The following STXBP5L variants were observed in gnomAD, a reference collection of about 807,000 sequenced individuals.
STXBP5L encodes syntaxin-binding protein 5-like.
A neutral mutation model predicts 144.5 loss-of-function variants in STXBP5L; 65 were observed. That is an observed-to-expected ratio of 0.45 (90% CI 0.37 to 0.55). The LOEUF is 0.55. STXBP5L is among the 20% of genes least tolerant of loss of function. STXBP5L has a pLI of 0.00. For missense variants in STXBP5L, 1,298 were observed against 1,405.5 expected (o/e 0.92, Z 1.22); for synonymous variants, 505 against 469.6 (o/e 1.08, Z -0.97).
chr3:121,098,874 T>A (rs2043271259), intron 5 of STXBP5L, among the ~76,000 whole-genome samples: 1 of 152,172 alleles, frequency 6.6e-6, no homozygotes, highest in African/African-American at 2.4e-5. Context: ...ATTGTGAATT[T>A]TTTTTTCCAG....
At chr3:121,015,522 G>A (rs888530445) in intron 3 of STXBP5L, among the ~76,000 whole-genome samples, 1 of 152,036 alleles carries the variant, frequency 6.6e-6, no homozygotes, top group Admixed American at 6.6e-5. Context: ...TTTCAAATTG[G>A]TGGGTGCTGA....
chr3:121,282,378 A>G (rs758361345), intron 19 of STXBP5L: 3 of 1,576,932 alleles, frequency 1.9e-6, no homozygotes, highest in Non-Finnish European at 2.6e-6. Flanking sequence ...TTTTTAAGAC[A>G]TAATGCTTGA....
At chr3:120,979,983 C>G (rs1162352187) in intron 3 of STXBP5L, among the ~76,000 whole-genome samples, 2 of 152,140 alleles carry the variant, frequency 1.3e-5, no homozygotes, top group African/African-American at 4.8e-5. Context: ...ATTGATGCAA[C>G]AATCTTTCAG....
intron 20 of STXBP5L, among the ~76,000 whole-genome samples, chr3:121,359,317 A>G (rs574939702): frequency 6.6e-6 from 1 of 152,166 alleles, no homozygotes; most frequent in East Asian, 1.9e-4. Context: ...TTTTTTTCAT[A>G]TAGAGTTGTT....
At chr3:120,937,357 A>G (rs1436568616) in intron 2 of STXBP5L, among the ~76,000 whole-genome samples, 3 of 152,200 alleles carry the variant, frequency 2.0e-5, no homozygotes. Context: ...AAAACTCACA[A>G]AAGTGTAGGG....
chr3:120,953,124 A>G (rs904970094), intron 2 of STXBP5L, among the ~76,000 whole-genome samples: 2 of 151,738 alleles, frequency 1.3e-5, no homozygotes, highest in Non-Finnish European at 2.9e-5. Context: ...TTTCTAAGCA[A>G]TTGTCAGGCA....
chr3:121,042,770 C>G (rs1375450002), intron 4 of STXBP5L, among the ~76,000 whole-genome samples: 7 of 152,022 alleles, frequency 4.6e-5, no homozygotes, highest in Non-Finnish European at 8.8e-5. Flanking sequence ...TCTCAGAGGA[C>G]TATGAGATCC....
chr3:121,090,138 C>T (rs1052964460), intron 5 of STXBP5L, among the ~76,000 whole-genome samples: 1 of 152,070 alleles, frequency 6.6e-6, no homozygotes, highest in African/African-American at 2.4e-5. Flanking sequence ...TAAATTAAAA[C>T]CTGGACATTC....
intron 7 of STXBP5L, among the ~76,000 whole-genome samples, chr3:121,144,934 TATATC>T (rs2045657249): frequency 6.6e-6 from 1 of 151,924 alleles, no homozygotes; most frequent in Non-Finnish European, 1.5e-5. Flanking sequence ...CTATTCAACT[TATATC>T]AGGTATCTAA....
At chr3:120,986,856 A>G (rs1942335000) in intron 3 of STXBP5L, among the ~76,000 whole-genome samples, 1 of 152,128 alleles carries the variant, frequency 6.6e-6, no homozygotes, top group Middle Eastern at 3.4e-3. Context: ...CAGAAGAATC[A>G]GCAAACTTGA....
chr3:121,092,610 T>C (rs1197514645), intron 5 of STXBP5L, among the ~76,000 whole-genome samples: 12 of 152,152 alleles, frequency 7.9e-5, no homozygotes, highest in Admixed American at 5.2e-4. Flanking sequence ...GTGATTTTTG[T>C]ACATTGATTT....
At chr3:121,083,816 G>T (rs558368256) in intron 5 of STXBP5L, among the ~76,000 whole-genome samples, 3 of 152,178 alleles carry the variant, frequency 2.0e-5, no homozygotes, top group Non-Finnish European at 4.4e-5. Flanking sequence ...TATTTCAGTT[G>T]GGGTTATTGT....
At chr3:121,301,171 A>T (rs1031335884) in intron 19 of STXBP5L, among the ~76,000 whole-genome samples, 1 of 152,116 alleles carries the variant, frequency 6.6e-6, no homozygotes, top group Non-Finnish European at 1.5e-5. Flanking sequence ...GATTCTTCCT[A>T]CCCATGAGCA....
intron 5 of STXBP5L, among the ~76,000 whole-genome samples, chr3:121,045,748 G>A (rs1400135823): frequency 6.6e-6 from 1 of 152,142 alleles, no homozygotes; most frequent in African/African-American, 2.4e-5. Context: ...ATTAGCTTAA[G>A]GAGCTTTTGG....
At chr3:121,277,903 G>A (rs2050935337) in intron 18 of STXBP5L, among the ~76,000 whole-genome samples, 1 of 151,976 alleles carries the variant, frequency 6.6e-6, no homozygotes, top group African/African-American at 2.4e-5. Context: ...TGTGAGCTCT[G>A]GGAATTGTTC....
intron 2 of STXBP5L, among the ~76,000 whole-genome samples, chr3:120,919,908 TG>T (rs1194752179): frequency 3.3e-5 from 5 of 151,834 alleles, no homozygotes; most frequent in African/African-American, 1.2e-4. Context: ...CAGGTTTTTT[TG>T]CTCCCTGTCT....
At chr3:121,311,098 T>C (rs1047800507) in intron 19 of STXBP5L, among the ~76,000 whole-genome samples, 3 of 152,166 alleles carry the variant, frequency 2.0e-5, no homozygotes, top group African/African-American at 7.2e-5. Context: ...CATGAAGATA[T>C]ATGATTAGCC....
chr3:121,013,271 C>T (rs1944912052), intron 3 of STXBP5L, among the ~76,000 whole-genome samples: 2 of 152,064 alleles, frequency 1.3e-5, no homozygotes, highest in Admixed American at 6.6e-5. Context: ...AATCTCCAAA[C>T]TACTTTCCAC....
At position 121,421,310 on chromosome 3, in the gene STXBP5L, A is replaced by G. The variant is rs911206951; in HGVS notation, c.*2213A>G. 1.3e-5 allele frequency: 2 copies of G among 152,180 alleles called. No individual in the cohort carries two copies. Among genetic ancestry groups the G allele is most frequent in the African/African-American group, 4.8e-5 (2 of 41,462 alleles). The allele number at this position is 152,180 out of a possible 1,614,324, so 9.4% of individuals were successfully genotyped here. A position where few individuals can be genotyped will look rare whatever the true frequency, so the allele number is the denominator to read the frequency against. On this transcript the variant is annotated 3_prime_UTR_variant, in exon 27 of 27. Coordinates refer to ENST00000471454, the MANE Select transcript of STXBP5L (RefSeq NM_001308330.2). Reference sequence around the variant, plus strand: ...GAGTATTTCTGAAGCCTTCAATAAGATTTAACTTGTTTTAACTTGATCTAC... The same window carrying G: ...GAGTATTTCTGAAGCCTTCAATAAGGTTTAACTTGTTTTAACTTGATCTAC...
Sources: gnomAD v4.1 joint callset for allele counts (sites outside exome capture counted in the v4.1 genomes callset) on GRCh38, gnomAD v4.1.1 for gene constraint, MANE v1.5 for transcripts, NCBI Gene and HGNC (gene_info 2026-07-23, HGNC 2026-07-21) for gene names.